AKT3: variants seen among roughly 807,000 people sequenced by gnomAD.
The protein encoded by AKT3 is AKT serine/threonine kinase 3.
A neutral mutation model predicts 65.3 loss-of-function variants in AKT3; 15 were observed. The ratio of observed to expected loss-of-function variants is 0.23; its 90% CI spans 0.15 to 0.35. AKT3 has a LOEUF of 0.35. Among genes scored for constraint, AKT3 ranks in the 10% least tolerant of loss-of-function variants. The probability of loss-of-function intolerance (pLI) is 1.00; values close to 1 mark genes in which losing one functional copy is unlikely to be tolerated. For synonymous variants in AKT3, 206 were observed against 183.8 expected, an observed-to-expected ratio of 1.12 and a Z score of -0.98; for missense variants, 243 against 576.5, an observed-to-expected ratio of 0.42 and a Z score of 5.92.
At chr1:243,631,703 A>T (rs1374397392) in intron 6 of AKT3, among the ~76,000 whole-genome samples, 2 of 152,226 alleles carry the variant, frequency 1.3e-5, no homozygotes, top group Non-Finnish European at 2.9e-5. Flanking sequence ...CTTTCTTCAC[A>T]ATCGGAGTCA....
intron 2 of AKT3, among the ~76,000 whole-genome samples, chr1:243,727,891 T>C (rs1055081831): frequency 1.4e-4 from 22 of 152,214 alleles, no homozygotes; most frequent in African/African-American, 4.8e-4. Flanking sequence ...TATTTAGGCA[T>C]AGAGGGATGT....
chr1:243,723,636 T>C (rs929116586), intron 2 of AKT3, among the ~76,000 whole-genome samples: 1 of 152,166 alleles, frequency 6.6e-6, no homozygotes, highest in Admixed American at 6.6e-5. Context: ...GTAAAGTGTT[T>C]CCACTGACGC....
intron 2 of AKT3, among the ~76,000 whole-genome samples, chr1:243,728,950 G>A (rs1687381266): frequency 6.6e-6 from 1 of 152,164 alleles, no homozygotes; most frequent in Non-Finnish European, 1.5e-5. Context: ...TACAAGATCA[G>A]AAAGGAAGAG....
chr1:243,708,540 G>A (rs1337044407), intron 2 of AKT3, among the ~76,000 whole-genome samples: 1 of 151,894 alleles, frequency 6.6e-6, no homozygotes, highest in Non-Finnish European at 1.5e-5. Context: ...CTGTACCTCA[G>A]TAAGCATAAT....
At chr1:243,748,353 TA>T (rs34770085) in intron 2 of AKT3, among the ~76,000 whole-genome samples, 120,031 of 149,966 alleles carry the variant, frequency 0.8, 48,369 homozygotes, top group Non-Finnish European at 0.86. Flanking sequence ...GAATGGGACT[TA>T]AAAAAAAAAA....
intron 6 of AKT3, among the ~76,000 whole-genome samples, chr1:243,634,209 T>A (rs1679810540): frequency 1.3e-5 from 2 of 152,102 alleles, no homozygotes; most frequent in African/African-American, 2.4e-5. Flanking sequence ...AAATGTTATG[T>A]AAATAGCTGT....
chr1:243,801,526 C>CA (rs1692381673), intron 2 of AKT3, among the ~76,000 whole-genome samples: 1 of 152,114 alleles, frequency 6.6e-6, no homozygotes, highest in Non-Finnish European at 1.5e-5. Context: ...ATCCAGCCAA[C>CA]AAAAAAGTAT....
At chr1:243,580,490 A>C (rs1028638115) in intron 8 of AKT3, among the ~76,000 whole-genome samples, 2 of 152,356 alleles carry the variant, frequency 1.3e-5, no homozygotes, top group Non-Finnish European at 2.9e-5. Flanking sequence ...TTGGTGACCC[A>C]GCAGTGTGGC....
intron 12 of AKT3, among the ~76,000 whole-genome samples, chr1:243,537,127 C>G (rs1450127260): frequency 6.6e-6 from 1 of 152,092 alleles, no homozygotes; most frequent in Non-Finnish European, 1.5e-5. Context: ...CTTGATACAC[C>G]TTGCAAAAAT....
At chr1:243,782,076 C>T (rs1265330871) in intron 2 of AKT3, among the ~76,000 whole-genome samples, 1 of 152,152 alleles carries the variant, frequency 6.6e-6, no homozygotes, top group East Asian at 1.9e-4. Context: ...CCCACCTTAG[C>T]CTCTCAAGGT....
At chr1:243,796,911 C>T (rs935597784) in intron 2 of AKT3, among the ~76,000 whole-genome samples, 2 of 152,012 alleles carry the variant, frequency 1.3e-5, no homozygotes, top group Non-Finnish European at 2.9e-5. Flanking sequence ...TTACATGAGG[C>T]ACTAAAGCAG....
intron 1 of AKT3, among the ~76,000 whole-genome samples, chr1:243,848,146 T>A (rs995114040): frequency 3.3e-5 from 5 of 152,160 alleles, no homozygotes; most frequent in African/African-American, 1.2e-4. Context: ...CCTCCCTCAC[T>A]TTAAAACTGG....
chr1:243,755,154 C>T (rs1391925026), intron 2 of AKT3, among the ~76,000 whole-genome samples: 2 of 152,024 alleles, frequency 1.3e-5, no homozygotes, highest in East Asian at 1.9e-4. Context: ...CTGCCACCTC[C>T]GCCTCCTGGG....
intron 4 of AKT3, among the ~76,000 whole-genome samples, chr1:243,646,361 C>CTT (rs398053991): frequency 2.0e-5 from 3 of 146,494 alleles, no homozygotes; most frequent in Non-Finnish European, 3.0e-5. Context: ...ATATATCCTA[C>CTT]TTTTTTTTTT....
intron 2 of AKT3, among the ~76,000 whole-genome samples, chr1:243,713,935 C>G (rs1182205481): frequency 6.6e-6 from 1 of 151,830 alleles, no homozygotes; most frequent in African/African-American, 2.4e-5. Context: ...TAAAAAAGTC[C>G]GACAGCCTCT....
chr1:243,780,194 A>T (rs1414024475), intron 2 of AKT3, among the ~76,000 whole-genome samples: 1 of 152,146 alleles, frequency 6.6e-6, no homozygotes, highest in Non-Finnish European at 1.5e-5. Flanking sequence ...TATAATGAAG[A>T]AGAAAGTTGG....
intron 2 of AKT3, among the ~76,000 whole-genome samples, chr1:243,804,739 C>T (rs186285465): frequency 1.6e-3 from 239 of 151,708 alleles, no homozygotes; most frequent in Middle Eastern, 6.8e-3. Flanking sequence ...CCCAGCTACT[C>T]AGGAGGCTGA....
intron 4 of AKT3, among the ~76,000 whole-genome samples, chr1:243,661,132 C>T (rs902523144): frequency 3.3e-5 from 5 of 152,148 alleles, no homozygotes; most frequent in African/African-American, 1.2e-4. Flanking sequence ...GCCATACTGC[C>T]CAAGGTAATT....
chr1:243,662,712 TAAATA>T (rs966035232), intron 4 of AKT3, among the ~76,000 whole-genome samples: 10 of 148,212 alleles, frequency 6.7e-5, no homozygotes, highest in African/African-American at 1.2e-4. Context: ...ATAATAATAA[TAAATA>T]AAATAAAATA....
Sources: gnomAD v4.1 joint callset for allele counts (sites outside exome capture counted in the v4.1 genomes callset) on GRCh38, gnomAD v4.1.1 for gene constraint, MANE v1.5 for transcripts, NCBI Gene and HGNC (gene_info 2026-07-23, HGNC 2026-07-21) for gene names.